Variants in LRRC4C observed in about 807,000 individuals in gnomAD.
LRRC4C encodes the protein leucine rich repeat containing 4C.
LRRC4C carries 5 observed loss-of-function variants against 33.6 expected under a neutral mutation model. That is an observed-to-expected ratio of 0.15 (90% CI 0.08 to 0.31). The LOEUF (loss-of-function observed/expected upper bound fraction) is 0.31, where lower values mean the gene tolerates loss of function less well. Ranked by LOEUF, LRRC4C falls within the 10% of genes least tolerant of loss-of-function variation. The probability of loss-of-function intolerance (pLI) is 1.00; values close to 1 mark genes in which losing one functional copy is unlikely to be tolerated. For missense variants in LRRC4C, 560 were observed against 796.7 expected, an observed-to-expected ratio of 0.70 and a Z score of 3.58; for synonymous variants, 329 against 302.0, an observed-to-expected ratio of 1.09 and a Z score of -0.93.
At chr11:40,567,119 T>G (rs978307091) in intron 3 of LRRC4C, among the ~76,000 whole-genome samples, 2 of 152,210 alleles carry the variant, frequency 1.3e-5, no homozygotes, top group Non-Finnish European at 2.9e-5. Context: ...TGGAATATAC[T>G]AACTAAATAT....
Position 41,260,202 on chromosome 11 carries a change from C to T in LRRC4C, c.-496+199229G>A, listed in dbSNP as rs192446249. On this transcript the variant is annotated intron_variant, in intron 1 of 6. Coordinates refer to ENST00000528697, the MANE Select transcript of LRRC4C (RefSeq NM_001258419.2). ...TCAATTGTACTCTTTCCCCAAAATA[C>T]GTAATGCAAAGATACCTTGCCTGTT... is the stretch of plus-strand genomic sequence containing the variant. Among the ~76,000 whole-genome samples the T allele has an allele frequency of 5.0e-3, 753 of 152,070 alleles. 6 individuals carry two copies. The highest frequency in any genetic ancestry group is 7.5e-3 in the Non-Finnish European group (512 of 67,948).
At chr11:41,449,652 G>A (rs1364889006) in intron 1 of LRRC4C, among the ~76,000 whole-genome samples, 1 of 151,692 alleles carries the variant, frequency 6.6e-6, no homozygotes, top group Non-Finnish European at 1.5e-5. Context: ...AGAAGATCAA[G>A]GTGTTATTCA....
intron 2 of LRRC4C, among the ~76,000 whole-genome samples, chr11:40,759,043 T>C (rs1591642729): frequency 6.7e-6 from 1 of 149,510 alleles, no homozygotes; most frequent in Admixed American, 6.7e-5. Flanking sequence ...CTGTTAGTTA[T>C]TTTCAATTTA....
chr11:41,080,307 T>C (rs970619291), intron 1 of LRRC4C, among the ~76,000 whole-genome samples: 3 of 150,674 alleles, frequency 2.0e-5, no homozygotes, highest in Admixed American at 6.6e-5. Flanking sequence ...ATGATAAGCA[T>C]GGGATGATGT....
intron 3 of LRRC4C, among the ~76,000 whole-genome samples, chr11:40,356,454 T>C (rs928763432): frequency 6.6e-6 from 1 of 152,240 alleles, no homozygotes; most frequent in African/African-American, 2.4e-5. Flanking sequence ...TTGTTATTGC[T>C]ATTCCTATTT....
At chr11:40,938,951 G>A (rs1327797967) in intron 1 of LRRC4C, among the ~76,000 whole-genome samples, 1 of 151,968 alleles carries the variant, frequency 6.6e-6, no homozygotes, top group African/African-American at 2.4e-5. Context: ...ACACAGGGCT[G>A]GGACAAACAG....
chr11:40,896,770 T>C (rs1273183752), intron 2 of LRRC4C, among the ~76,000 whole-genome samples: 1 of 152,108 alleles, frequency 6.6e-6, no homozygotes, highest in Non-Finnish European at 1.5e-5. Flanking sequence ...TCAAAGGTAT[T>C]ATCAATAGCA....
chr11:41,128,423 C>T (rs1942853297), intron 1 of LRRC4C, among the ~76,000 whole-genome samples: 1 of 152,052 alleles, frequency 6.6e-6, no homozygotes, highest in African/African-American at 2.4e-5. Context: ...GAAAAGAGAT[C>T]CATATATTGC....
intron 1 of LRRC4C, among the ~76,000 whole-genome samples, chr11:41,275,735 A>T (rs1171862551): frequency 1.3e-5 from 2 of 152,220 alleles, no homozygotes; most frequent in Admixed American, 1.3e-4. Flanking sequence ...GGAATGACAT[A>T]GTCAAATTAG....
At chr11:40,793,843 G>A (rs1251653624) in intron 2 of LRRC4C, among the ~76,000 whole-genome samples, 1 of 151,998 alleles carries the variant, frequency 6.6e-6, no homozygotes, top group Non-Finnish European at 1.5e-5. Flanking sequence ...TCTCTATCAT[G>A]GACACAAACA....
intron 5 of LRRC4C, among the ~76,000 whole-genome samples, chr11:40,149,274 G>A (rs2135086972): frequency 6.6e-6 from 1 of 152,210 alleles, no homozygotes; most frequent in East Asian, 1.9e-4. Context: ...AATTGCCTTG[G>A]GCAGTATAGC....
chr11:41,178,720 T>C (rs1382877280), intron 1 of LRRC4C, among the ~76,000 whole-genome samples: 1 of 152,188 alleles, frequency 6.6e-6, no homozygotes, highest in Non-Finnish European at 1.5e-5. Context: ...TGTTTGTTTT[T>C]TGAGACGGAG....
intron 1 of LRRC4C, among the ~76,000 whole-genome samples, chr11:41,279,437 A>C (rs1465584467): frequency 8.0e-6 from 1 of 124,904 alleles, no homozygotes; most frequent in Non-Finnish European, 1.7e-5. Context: ...CACCGTGGCA[A>C]TCACTGCCTG....
At chr11:41,020,839 T>A (rs1170095718) in intron 1 of LRRC4C, among the ~76,000 whole-genome samples, 1 of 152,164 alleles carries the variant, frequency 6.6e-6, no homozygotes, top group Non-Finnish European at 1.5e-5. Context: ...ATCCATGGTA[T>A]CTGTCTCACC....
intron 5 of LRRC4C, among the ~76,000 whole-genome samples, chr11:40,179,092 G>C (rs4128905): frequency 0.89 from 134,534 of 151,270 alleles, 60,376 homozygotes; most frequent in Non-Finnish European, 0.96. Context: ...GCAACCTTGA[G>C]CTCCTGGGCT....
At chr11:41,410,808 T>C (rs1954446601) in intron 1 of LRRC4C, among the ~76,000 whole-genome samples, 1 of 152,032 alleles carries the variant, frequency 6.6e-6, no homozygotes. Context: ...TAGAATATCA[T>C]CACATTATCA....
intron 3 of LRRC4C, among the ~76,000 whole-genome samples, chr11:40,580,123 C>T (rs927255592): frequency 6.6e-6 from 1 of 150,522 alleles, no homozygotes; most frequent in Non-Finnish European, 1.5e-5. Context: ...AAAAATGCTA[C>T]TGTATTAGTC....
chr11:40,690,376 AGGCCACC>A (rs1945169520), intron 2 of LRRC4C, among the ~76,000 whole-genome samples: 2 of 152,210 alleles, frequency 1.3e-5, no homozygotes, highest in Non-Finnish European at 2.9e-5. Flanking sequence ...AAATAAATGA[AGGCCACC>A]CAAATGAGAA....
chr11:40,203,398 T>TA (rs1050531707), intron 5 of LRRC4C, among the ~76,000 whole-genome samples: 2 of 152,192 alleles, frequency 1.3e-5, no homozygotes, highest in African/African-American at 4.8e-5. Context: ...TCAAAACTCT[T>TA]AAACAAGCAT....
Sources: gnomAD v4.1 joint callset for allele counts (sites outside exome capture counted in the v4.1 genomes callset) on GRCh38, gnomAD v4.1.1 for gene constraint, MANE v1.5 for transcripts, NCBI Gene and HGNC (gene_info 2026-07-23, HGNC 2026-07-21) for gene names.